Variants in DPYD observed in about 807,000 individuals in gnomAD.
DPYD encodes the protein dihydropyrimidine dehydrogenase [NADP(+)].
Under a neutral mutation model 116.2 loss-of-function variants are expected in DPYD, and 109 were observed. The ratio of observed to expected loss-of-function variants is 0.94; its 90% CI spans 0.80 to 1.10. DPYD has a LOEUF of 1.10. DPYD is among the 50% of genes least tolerant of loss of function. DPYD has a pLI of 0.00. For synonymous variants in DPYD, 440 were observed against 432.0 expected (o/e 1.02, Z -0.23); for missense variants, 1,302 against 1,254.5 (o/e 1.04, Z -0.57).
intron 8 of DPYD, among the ~76,000 whole-genome samples, chr1:97,598,227 G>C (rs1177988202): frequency 2.0e-5 from 3 of 152,086 alleles, no homozygotes; most frequent in Non-Finnish European, 2.9e-5. Flanking sequence ...GCAACCTTAA[G>C]TGAAATATGA....
intron 8 of DPYD, among the ~76,000 whole-genome samples, chr1:97,644,196 T>C (rs1658111368): frequency 6.6e-6 from 1 of 152,094 alleles, no homozygotes; most frequent in Admixed American, 6.6e-5. Context: ...ACAGAAAACA[T>C]CTGTATTGAA....
chr1:97,904,049 C>T (rs1011779857), intron 1 of DPYD, among the ~76,000 whole-genome samples: 1 of 151,792 alleles, frequency 6.6e-6, no homozygotes, highest in Admixed American at 6.6e-5. Context: ...GCAACAGAGG[C>T]TGTATTTACC....
At chr1:97,874,734 G>A (rs1163862361) in intron 2 of DPYD, among the ~76,000 whole-genome samples, 2 of 151,748 alleles carry the variant, frequency 1.3e-5, no homozygotes, top group East Asian at 3.9e-4. Context: ...CAGTGCTATG[G>A]AAAGCTATCA....
rs553901555 is a variant in DPYD at position 97,889,304 on chromosome 1, T to C, written c.40-5930A>G. Among the ~76,000 whole-genome samples, 10 of 152,016 alleles carry C rather than the reference T, an allele frequency of 6.6e-5. No individual in the cohort carries two copies. In the South Asian group the frequency reaches 8.3e-4, roughly 13 times the overall value. On this transcript the variant is annotated intron_variant, in intron 1 of 22. Transcript: ENST00000370192. Reference sequence around the variant, plus strand: ...AGTAAAGTATAGGTAATTATGAAATTATAATAGTATAAATGTATACTGTCA... The same window carrying C: ...AGTAAAGTATAGGTAATTATGAAATCATAATAGTATAAATGTATACTGTCA...
intron 12 of DPYD, among the ~76,000 whole-genome samples, chr1:97,529,592 C>A (rs1317544333): frequency 1.3e-5 from 2 of 152,162 alleles, no homozygotes; most frequent in African/African-American, 4.8e-5. Context: ...ATCCACGTCA[C>A]AAACATATCC....
chr1:97,292,549 G>A (rs1666266236), intron 18 of DPYD, among the ~76,000 whole-genome samples: 1 of 152,172 alleles, frequency 6.6e-6, no homozygotes, highest in Non-Finnish European at 1.5e-5. Context: ...TGGGGATTAT[G>A]AGAACTACAG....
rs1653085604 is a variant in DPYD at position 97,573,907 on chromosome 1, C to T, written c.1192G>A (p.Val398Ile). 6.2e-7 allele frequency: 1 copy of T among 1,613,604 alleles called. No individual in the cohort carries two copies. The highest frequency in any genetic ancestry group is 8.5e-7 in the Non-Finnish European group (1 of 1,179,712). Reference protein sequence around the residue: ...LPFLSPRKVIVKGGRIVAMQF... With the variant: ...LPFLSPRKVIIKGGRIVAMQF... Reference sequence around the variant, plus strand: ...ATAGCAACAATTCTCCCACCTTTTACTATAACCTTCCGTGGGGACAGGAAT... The same window carrying T: ...ATAGCAACAATTCTCCCACCTTTTATTATAACCTTCCGTGGGGACAGGAAT... The change falls in exon 11 of 23, where the codon GTA (valine) becomes ATA (isoleucine). Residue 398 changes from valine (V) to isoleucine (I), a missense_variant. Physicochemically the swap from Val to Ile is conservative, Grantham distance 29 (BLOSUM62 3). Transcript: ENST00000370192.
chr1:97,677,726 A>G (rs907836910), intron 8 of DPYD, among the ~76,000 whole-genome samples: 1 of 152,174 alleles, frequency 6.6e-6, no homozygotes, highest in Non-Finnish European at 1.5e-5. Flanking sequence ...TTTAGGAGCT[A>G]GAAGACAGTG....
At chr1:97,218,035 G>C (rs1405802539) in intron 19 of DPYD, among the ~76,000 whole-genome samples, 1 of 152,150 alleles carries the variant, frequency 6.6e-6, no homozygotes, top group African/African-American at 2.4e-5. Flanking sequence ...AGTAAATGTT[G>C]AGCAAAGTAT....
chr1:97,920,788 C>T, intron 1 of DPYD, 96 bp downstream of exon 1: 2 of 1,501,280 alleles, frequency 1.3e-6, no homozygotes, highest in South Asian at 2.4e-5. Flanking sequence ...CTCTCACTCT[C>T]CGGGGTGCGG....
At chr1:97,079,890 C>T (rs1454513579) in intron 22 of DPYD, among the ~76,000 whole-genome samples, 1 of 151,970 alleles carries the variant, frequency 6.6e-6, no homozygotes, top group African/African-American at 2.4e-5. Flanking sequence ...TTCCTCCCTC[C>T]CTTCCTCTCT....
At chr1:97,648,241 C>G in intron 8 of DPYD, among the ~76,000 whole-genome samples, 1 of 151,988 alleles carries the variant, frequency 6.6e-6, no homozygotes. Context: ...AAGCAGTCAT[C>G]ATCTAGAACA....
At chr1:97,434,193 T>C (rs944499985) in intron 14 of DPYD, among the ~76,000 whole-genome samples, 1 of 152,136 alleles carries the variant, frequency 6.6e-6, no homozygotes, top group Non-Finnish European at 1.5e-5. Context: ...AAATTTTGCA[T>C]GACTAAAATA....
At chr1:97,273,187 A>C (rs1664714069) in intron 18 of DPYD, among the ~76,000 whole-genome samples, 1 of 152,162 alleles carries the variant, frequency 6.6e-6, no homozygotes, top group Non-Finnish European at 1.5e-5. Context: ...AATGTGTTTT[A>C]AGTCAAATTT....
chr1:97,191,975 T>A (rs970638270), intron 20 of DPYD, among the ~76,000 whole-genome samples: 7 of 152,148 alleles, frequency 4.6e-5, no homozygotes, highest in Non-Finnish European at 1.0e-4. Flanking sequence ...AATGTCACAG[T>A]CTTTCTGTTT....
intron 5 of DPYD, among the ~76,000 whole-genome samples, chr1:97,701,903 T>G (rs565324677): frequency 6.6e-6 from 1 of 151,940 alleles, no homozygotes; most frequent in South Asian, 2.1e-4. Flanking sequence ...CCTTTTAATA[T>G]TCAGTGTTTT....
intron 2 of DPYD, among the ~76,000 whole-genome samples, chr1:97,830,278 A>C (rs780964033): frequency 6.6e-6 from 1 of 152,192 alleles, no homozygotes; most frequent in African/African-American, 2.4e-5. Context: ...AAGTTCATAA[A>C]AGAATTAAAG....
intron 5 of DPYD, among the ~76,000 whole-genome samples, chr1:97,721,211 T>C (rs1173213784): frequency 3.3e-5 from 5 of 151,800 alleles, no homozygotes; most frequent in African/African-American, 1.2e-4. Flanking sequence ...CTCCTTGCCA[T>C]ACTTCCACAT....
At chr1:97,398,653 T>C (rs1673159559) in intron 14 of DPYD, among the ~76,000 whole-genome samples, 1 of 152,176 alleles carries the variant, frequency 6.6e-6, no homozygotes, top group Non-Finnish European at 1.5e-5. Context: ...TGGTGTGAGA[T>C]GGTATCTCAT....
Sources: allele counts gnomAD v4.1 joint callset (sites outside exome capture counted in the v4.1 genomes callset), GRCh38; gene constraint gnomAD v4.1.1; transcripts MANE v1.5; gene names NCBI Gene and HGNC (gene_info 2026-07-23, HGNC 2026-07-21).